Variants in ITSN1 observed in about 807,000 individuals in gnomAD.
ITSN1 encodes the protein intersectin 1, also known as intersectin-1.
Under a neutral mutation model 239.8 loss-of-function variants are expected in ITSN1, and 58 were observed. The ratio of observed to expected loss-of-function variants is 0.24; its 90% CI spans 0.20 to 0.30. The LOEUF (loss-of-function observed/expected upper bound fraction) is 0.30, where lower values mean the gene tolerates loss of function less well. ITSN1 is among the 10% of genes least tolerant of loss of function. The pLI, the probability that ITSN1 is intolerant of heterozygous loss-of-function variation, is 1.00. For missense variants in ITSN1, 1,558 were observed against 2,103.3 expected (o/e 0.74, Z 5.07); for synonymous variants, 780 against 770.8 (o/e 1.01, Z -0.20).
intron 28 of ITSN1, among the ~76,000 whole-genome samples, chr21:33,835,750 G>A (rs915328280): frequency 6.6e-6 from 1 of 152,098 alleles, no homozygotes; most frequent in Non-Finnish European, 1.5e-5. Flanking sequence ...GGCCAACATG[G>A]TGAAACCCCG....
intron 39 of ITSN1, among the ~76,000 whole-genome samples, chr21:33,887,536 G>T (rs897912012): frequency 1.3e-5 from 2 of 151,960 alleles, no homozygotes; most frequent in African/African-American, 4.8e-5. Context: ...GAACAGTTTG[G>T]CTCCCAAGTC....
chr21:33,757,638 G>A (rs1199806371), intron 8 of ITSN1, among the ~76,000 whole-genome samples: 1 of 151,972 alleles, frequency 6.6e-6, no homozygotes, highest in East Asian at 1.9e-4. Flanking sequence ...TTGTTGAGGT[G>A]GATGGAACAT....
At chr21:33,770,159 G>T in intron 11 of ITSN1, among the ~76,000 whole-genome samples, 1 of 151,822 alleles carries the variant, frequency 6.6e-6, no homozygotes, top group East Asian at 1.9e-4. Flanking sequence ...CGCCTCCCGG[G>T]TTCAAGCGAT....
intron 1 of ITSN1, among the ~76,000 whole-genome samples, chr21:33,684,511 T>C (rs1215317866): frequency 2.0e-5 from 3 of 152,210 alleles, no homozygotes; most frequent in Non-Finnish European, 4.4e-5. Flanking sequence ...GGAACTGATA[T>C]AAGAGATAGT....
intron 19 of ITSN1, among the ~76,000 whole-genome samples, chr21:33,802,162 T>C (rs2072048953): frequency 6.6e-6 from 1 of 152,160 alleles, no homozygotes; most frequent in Non-Finnish European, 1.5e-5. Context: ...AGCAGCTCGC[T>C]CTCATCCTAA....
intron 16 of ITSN1, among the ~76,000 whole-genome samples, chr21:33,788,974 A>C (rs1449256748): frequency 6.6e-6 from 1 of 152,118 alleles, no homozygotes; most frequent in African/African-American, 2.4e-5. Flanking sequence ...TGAATGAATA[A>C]ATTTATAATT....
chr21:33,778,526 T>C (rs2069834425), intron 14 of ITSN1, among the ~76,000 whole-genome samples: 1 of 150,978 alleles, frequency 6.6e-6, no homozygotes, highest in East Asian at 1.9e-4. Context: ...GTTTATATTA[T>C]CTAAATTATT....
chr21:33,696,831 A>G (rs1372229175), intron 1 of ITSN1, among the ~76,000 whole-genome samples: 1 of 151,904 alleles, frequency 6.6e-6, no homozygotes, highest in Non-Finnish European at 1.5e-5. Flanking sequence ...ACCTTTAACC[A>G]CTGTTCGTGC....
Position 33,883,573 on chromosome 21 carries a change from A to G in ITSN1, c.4578A>G (p.Leu1526=). The change falls in exon 36 of 40, where the codon CTA becomes CTG. Residue 1526 remains leucine (L), a synonymous_variant. Coordinates refer to ENST00000381318, the MANE Select transcript of ITSN1 (RefSeq NM_003024.3). ...AGCCTATTTTCCTAAATGAGGTTCT[A>G]GTAAAATTACCCACCGACCCTTCTG... The part of the protein sequence containing the change: ...YKTPIFLNEV[L]VKLPTDPSGD... 1 of 1,613,758 alleles carries G rather than the reference A, an allele frequency of 6.2e-7. No homozygotes were observed. The highest frequency in any genetic ancestry group is 8.5e-7 in the Non-Finnish European group (1 of 1,179,720).
intron 27 of ITSN1, among the ~76,000 whole-genome samples, chr21:33,833,041 C>A (rs531922906): frequency 2.2e-4 from 33 of 151,698 alleles, no homozygotes; most frequent in African/African-American, 7.5e-4. Context: ...TGTGTGTATG[C>A]ACAAGTAGTT....
At chr21:33,815,742 A>G (rs10222139) in intron 22 of ITSN1, among the ~76,000 whole-genome samples, 134,086 of 152,092 alleles carry the variant, frequency 0.88, 59,500 homozygotes, top group East Asian at 0.99. Flanking sequence ...TTTCTTCTGG[A>G]TGAGGAAGAG....
At chr21:33,840,722 T>A (rs1415984900) in intron 29 of ITSN1, among the ~76,000 whole-genome samples, 1 of 152,222 alleles carries the variant, frequency 6.6e-6, no homozygotes, top group Non-Finnish European at 1.5e-5. Flanking sequence ...GGTCTTGAAC[T>A]CCTGACTTCA....
At position 33,693,569 on chromosome 21, in the gene ITSN1, C is replaced by A. The variant is rs534787451; in HGVS notation, c.-32-25228C>A. On this transcript the variant is annotated intron_variant, in intron 1 of 39. Coordinates refer to ENST00000381318, the MANE Select transcript of ITSN1 (RefSeq NM_003024.3). ...ACAGGGTTTCACTATGTTGGTCAGG[C>A]TGGTCTTGAACTCCTGACCTCAGGT... Among the ~76,000 whole-genome samples, 215 of 152,282 alleles carry A rather than the reference C, an allele frequency of 1.4e-3. 1 individual carries two copies. Among genetic ancestry groups the A allele is most frequent in the African/African-American group, 4.6e-3 (193 of 41,552 alleles).
At chr21:33,741,850 G>A (rs1178604047) in intron 5 of ITSN1, among the ~76,000 whole-genome samples, 9 of 137,252 alleles carry the variant, frequency 6.6e-5, no homozygotes, top group Non-Finnish European at 1.2e-4. Context: ...AGCTGAGATC[G>A]CGTCACTGCA....
intron 4 of ITSN1, among the ~76,000 whole-genome samples, chr21:33,726,245 C>T (rs1176386016): frequency 2.6e-5 from 4 of 152,170 alleles, no homozygotes; most frequent in East Asian, 1.9e-4. Flanking sequence ...CTGCCTGCCT[C>T]GGCCTCCCAA....
intron 5 of ITSN1, chr21:33,735,481 GTTT>G: frequency 3.2e-4 from 83 of 261,200 alleles, no homozygotes; most frequent in Middle Eastern, 1.3e-3. Flanking sequence ...CAGCTTCTGG[GTTT>G]TTTTTTTTTT....
intron 11 of ITSN1, among the ~76,000 whole-genome samples, chr21:33,768,455 A>G (rs2147744297): frequency 6.6e-6 from 1 of 152,068 alleles, no homozygotes; most frequent in South Asian, 2.1e-4. Flanking sequence ...TAATTTTTGT[A>G]TTTTTAGTAG....
chr21:33,773,971 C>T (rs867370596), intron 12 of ITSN1, among the ~76,000 whole-genome samples: 4 of 152,268 alleles, frequency 2.6e-5, no homozygotes, highest in Middle Eastern at 3.4e-3. Flanking sequence ...TGAGCCACTG[C>T]GCCCGGCCCC....
intron 26 of ITSN1, among the ~76,000 whole-genome samples, chr21:33,827,483 G>A (rs1192717234): frequency 6.6e-6 from 1 of 152,214 alleles, no homozygotes; most frequent in African/African-American, 2.4e-5. Flanking sequence ...ACATGGAGCT[G>A]TAGGATTATG....
Sources: gnomAD v4.1 joint callset for allele counts (sites outside exome capture counted in the v4.1 genomes callset) on GRCh38, gnomAD v4.1.1 for gene constraint, MANE v1.5 for transcripts, NCBI Gene and HGNC (gene_info 2026-07-23, HGNC 2026-07-21) for gene names.